MTUS2: variants seen among roughly 807,000 people sequenced by gnomAD.
MTUS2 encodes the protein microtubule-associated tumor suppressor candidate 2.
In MTUS2, 40 loss-of-function variants were observed where a neutral mutation model predicts 114.1. The observed-to-expected ratio is 0.35, with a 90% CI of 0.27 to 0.46. The LOEUF (loss-of-function observed/expected upper bound fraction) is 0.46, where lower values mean the gene tolerates loss of function less well. Ranked by LOEUF, MTUS2 falls within the 20% of genes least tolerant of loss-of-function variation. MTUS2 has a pLI of 1.00. For missense variants in MTUS2, 1,679 were observed against 1,705.4 expected (o/e 0.98, Z 0.27); for synonymous variants, 688 against 672.0 (o/e 1.02, Z -0.37).
intron 7 of MTUS2, among the ~76,000 whole-genome samples, chr13:29,357,364 G>A (rs889827155): frequency 6.6e-6 from 1 of 152,208 alleles, no homozygotes; most frequent in Non-Finnish European, 1.5e-5. Flanking sequence ...CACTGAGCTG[G>A]AAATTGTTTT....
intron 9 of MTUS2, among the ~76,000 whole-genome samples, chr13:29,441,136 G>A (rs1273059831): frequency 6.6e-6 from 1 of 152,142 alleles, no homozygotes; most frequent in Non-Finnish European, 1.5e-5. Context: ...GCTAGTGTGT[G>A]ATCCGGAGCA....
chr13:29,269,081 T>C (rs769147602), intron 5 of MTUS2, among the ~76,000 whole-genome samples: 4 of 152,184 alleles, frequency 2.6e-5, no homozygotes, highest in Non-Finnish European at 4.4e-5. Flanking sequence ...CAGAACAGTG[T>C]CTCAGGAACA....
chr13:29,504,660 G>A lies in MTUS2; in HGVS notation c.*1454G>A, dbSNP rs1350921929. The A allele has an allele frequency of 1.3e-5, 3 of 233,170 alleles. No individual in the cohort carries two copies. The highest frequency in any genetic ancestry group is 4.4e-5 in the African/African-American group (2 of 45,356). 14.4% of individuals were successfully genotyped at this position (233,170 alleles called of 1,614,324 possible). ...ACAGTACTCATGTAGTGGTGTGGAA[G>A]ATTAGGAGCATGATACACAAAAGGA... On this transcript the variant is annotated 3_prime_UTR_variant, in exon 16 of 16. Coordinates refer to ENST00000612955, the MANE Select transcript of MTUS2 (RefSeq NM_001033602.4).
intron 5 of MTUS2, among the ~76,000 whole-genome samples, chr13:29,161,742 C>T (rs959866618): frequency 1.3e-5 from 2 of 152,230 alleles, no homozygotes; most frequent in African/African-American, 4.8e-5. Flanking sequence ...CTAACTGCGG[C>T]GCCAGTTCTC....
chr13:29,080,279 A>G (rs1450191213), intron 4 of MTUS2, among the ~76,000 whole-genome samples: 1 of 152,152 alleles, frequency 6.6e-6, no homozygotes, highest in Admixed American at 6.6e-5. Context: ...GTAGTTTGGT[A>G]TGAGTTAAAA....
At chr13:28,974,591 AATACAAGGCTTGTT>A (rs1373320774) in intron 2 of MTUS2, among the ~76,000 whole-genome samples, 3 of 152,254 alleles carry the variant, frequency 2.0e-5, no homozygotes, top group Admixed American at 1.3e-4. Flanking sequence ...CTCAGCACTT[AATACAAGGCTTGTT>A]ATATAATAGG....
intron 6 of MTUS2, among the ~76,000 whole-genome samples, chr13:29,284,340 A>G (rs1208049447): frequency 6.6e-6 from 1 of 152,138 alleles, no homozygotes; most frequent in Non-Finnish European, 1.5e-5. Context: ...TATCTAAACA[A>G]TAGGAAAATG....
intron 8 of MTUS2, among the ~76,000 whole-genome samples, chr13:29,381,412 GAATT>G (rs1872194283): frequency 6.6e-6 from 1 of 152,084 alleles, no homozygotes; most frequent in Non-Finnish European, 1.5e-5. Context: ...CAAAATATAA[GAATT>G]ACTTATAGGT....
In MTUS2 at chr13:28,834,461, G is replaced by A. The variant is rs557563528; in HGVS notation, c.-315-5317G>A. 9.2e-5 allele frequency among the ~76,000 whole-genome samples: 14 copies of A among 152,108 alleles called. No individual in the cohort carries two copies. The East Asian group carries it at 1.5e-3, about 17-fold the overall frequency. ...ATGAATGATCTTTTTAATAAATGGTGCTGGAATAACTAGATGCCTATGTGT... is the reference window on the plus strand; with the variant it reads ...ATGAATGATCTTTTTAATAAATGGTACTGGAATAACTAGATGCCTATGTGT... On this transcript the variant is annotated intron_variant, in intron 1 of 15. Coordinates refer to ENST00000612955, the MANE Select transcript of MTUS2 (RefSeq NM_001033602.4).
In MTUS2 at chr13:29,135,434, G is replaced by C. The variant is rs75372275; in HGVS notation, c.2644+34464G>C. 3.2e-4 allele frequency among the ~76,000 whole-genome samples: 49 copies of C among 152,272 alleles called. No individual in the cohort carries two copies. In the East Asian group the frequency reaches 8.5e-3, roughly 26 times the overall value. ...ATTTGTGTCCTTGGATTTAAAGTGA[G>C]TCTCTTGTAGGCAGCGTATAGTTGG... is the stretch of plus-strand genomic sequence containing the variant. On this transcript the variant is annotated intron_variant, in intron 5 of 15. Coordinates refer to ENST00000612955, the MANE Select transcript of MTUS2 (RefSeq NM_001033602.4).
intron 8 of MTUS2, among the ~76,000 whole-genome samples, chr13:29,393,172 A>G (rs1873639932): frequency 6.6e-6 from 1 of 151,932 alleles, no homozygotes. Flanking sequence ...GCCTCCAGAG[A>G]CCTCTGTTAT....
chr13:29,479,599 C>T (rs1296234957), intron 9 of MTUS2, among the ~76,000 whole-genome samples: 1 of 152,170 alleles, frequency 6.6e-6, no homozygotes, highest in African/African-American at 2.4e-5. Context: ...CTGAGATCAT[C>T]CTGTTTGGCA....
chr13:28,871,460 T>C (rs1877613279), intron 2 of MTUS2, among the ~76,000 whole-genome samples: 1 of 152,164 alleles, frequency 6.6e-6, no homozygotes. Context: ...AAGATGATAA[T>C]GGATAGGAGA....
chr13:29,142,575 C>T (rs191340783), intron 5 of MTUS2, among the ~76,000 whole-genome samples: 4 of 151,974 alleles, frequency 2.6e-5, no homozygotes, highest in Non-Finnish European at 4.4e-5. Context: ...GCGTGGTAGC[C>T]GGTGTCTGTA....
chr13:28,824,207 C>G (rs1874108887), intron 1 of MTUS2, among the ~76,000 whole-genome samples: 1 of 150,168 alleles, frequency 6.7e-6, no homozygotes, highest in Non-Finnish European at 1.5e-5. Flanking sequence ...TAATAGGCCC[C>G]TGACTTTCAT....
intron 2 of MTUS2, among the ~76,000 whole-genome samples, chr13:29,018,337 A>G (rs1886153202): frequency 6.6e-6 from 1 of 152,250 alleles, no homozygotes; most frequent in African/African-American, 2.4e-5. Flanking sequence ...TGGTGGATCC[A>G]GTGAGTTTCC....
rs1216186866 is a variant in MTUS2 at position 29,497,326 on chromosome 13, A to C, written c.3668A>C (p.Glu1223Ala). 1.2e-6 allele frequency: 2 copies of C among 1,611,268 alleles called. No homozygotes were observed. The highest frequency in any genetic ancestry group is 3.3e-5 in the Admixed American group (2 of 59,938). The change falls in exon 13 of 16, where the codon GAG becomes GCG. Residue 1223 changes from glutamate (E) to alanine (A), a missense_variant. Coordinates refer to ENST00000612955, the MANE Select transcript of MTUS2 (RefSeq NM_001033602.4). ...FEEALRKNTE[E>A]QLEIALAPYQ... The stretch of plus-strand genomic sequence containing the variant: ...GAGGCCTTGAGGAAGAACACAGAGG[A>C]GCAGCTGGAGGTCGTTTCTGGATTC...
At chr13:29,454,900 A>G (rs1878991452) in intron 9 of MTUS2, among the ~76,000 whole-genome samples, 1 of 152,220 alleles carries the variant, frequency 6.6e-6, no homozygotes, top group Non-Finnish European at 1.5e-5. Flanking sequence ...TAGCCATAAT[A>G]GCATAACTGT....
chr13:28,965,800 A>G (rs377168469), intron 2 of MTUS2, among the ~76,000 whole-genome samples: 11 of 152,206 alleles, frequency 7.2e-5, no homozygotes, highest in East Asian at 1.9e-4. Flanking sequence ...GAGGACCTCA[A>G]TCTTTTTCTC....
Sources: gnomAD v4.1 joint callset for allele counts (sites outside exome capture counted in the v4.1 genomes callset) on GRCh38, gnomAD v4.1.1 for gene constraint, MANE v1.5 for transcripts, NCBI Gene and HGNC (gene_info 2026-07-23, HGNC 2026-07-21) for gene names.